The following LSAMP variants were observed in gnomAD, a reference collection of about 807,000 sequenced individuals.
The protein encoded by LSAMP is limbic system associated membrane protein.
Under a neutral mutation model 38.6 loss-of-function variants are expected in LSAMP, and 7 were observed. The ratio of observed to expected loss-of-function variants is 0.18; its 90% confidence interval spans 0.10 to 0.34. The LOEUF (loss-of-function observed/expected upper bound fraction) is 0.34, where lower values mean the gene tolerates loss of function less well. Among genes scored for constraint, LSAMP ranks in the 10% least tolerant of loss-of-function variants. LSAMP has a pLI of 1.00. For missense variants in LSAMP, 313 were observed against 420.0 expected (o/e 0.75, Z 2.23); for synonymous variants, 154 against 166.8 (o/e 0.92, Z 0.59).
At chr3:116,339,485 A>G (rs1002213034) in intron 1 of LSAMP, among the ~76,000 whole-genome samples, 2 of 151,512 alleles carry the variant, frequency 1.3e-5, no homozygotes, top group Admixed American at 6.6e-5. Flanking sequence ...TTTTATTATT[A>G]TGATACTGAA....
chr3:116,366,693 G>A (rs1299801570), intron 1 of LSAMP, among the ~76,000 whole-genome samples: 3 of 152,138 alleles, frequency 2.0e-5, no homozygotes, highest in Non-Finnish European at 4.4e-5. Flanking sequence ...TTTGTACTAG[G>A]AGCTGGGAAT....
intron 3 of LSAMP, among the ~76,000 whole-genome samples, chr3:115,870,701 C>G (rs10934313): frequency 6.6e-6 from 1 of 151,958 alleles, no homozygotes. Context: ...AACAAACTAG[C>G]CATGCTGTAA....
chr3:115,819,507 A>G (rs181314561), intron 6 of LSAMP, among the ~76,000 whole-genome samples: 3 of 152,072 alleles, frequency 2.0e-5, no homozygotes, highest in Non-Finnish European at 1.5e-5. Flanking sequence ...GCCTGCGTTA[A>G]CCTGTCACTG....
chr3:116,016,386 G>T (rs1167057505), intron 3 of LSAMP, among the ~76,000 whole-genome samples: 2 of 152,172 alleles, frequency 1.3e-5, no homozygotes, highest in African/African-American at 4.8e-5. Context: ...GCAATAGAAA[G>T]CTAGTTTTGC....
intron 1 of LSAMP, among the ~76,000 whole-genome samples, chr3:116,212,733 C>T (rs2046174097): frequency 6.6e-6 from 1 of 152,140 alleles, no homozygotes; most frequent in South Asian, 2.1e-4. Context: ...TTCCTTATGG[C>T]ATTCTTCCTA....
At chr3:115,959,186 T>A (rs1938548490) in intron 3 of LSAMP, among the ~76,000 whole-genome samples, 1 of 152,218 alleles carries the variant, frequency 6.6e-6, no homozygotes, top group Non-Finnish European at 1.5e-5. Context: ...AAGGGCTTCC[T>A]TCAGTACATT....
chr3:116,173,592 TACACA>T (rs1197417181), intron 1 of LSAMP, among the ~76,000 whole-genome samples: 2 of 152,066 alleles, frequency 1.3e-5, no homozygotes, highest in Non-Finnish European at 2.9e-5. Context: ...TGCAAACCTA[TACACA>T]TACTAGGTTT....
intron 1 of LSAMP, among the ~76,000 whole-genome samples, chr3:116,211,012 A>AC (rs1462877305): frequency 3.9e-4 from 58 of 150,636 alleles, no homozygotes; most frequent in Non-Finnish European, 5.9e-4. Context: ...AAAAAAAAAA[A>AC]AACAAAAACA....
intron 1 of LSAMP, among the ~76,000 whole-genome samples, chr3:116,199,475 A>G (rs959262337): frequency 6.6e-6 from 1 of 152,186 alleles, no homozygotes; most frequent in Non-Finnish European, 1.5e-5. Context: ...TAAGAGTGGG[A>G]CTGTGTCTTA....
chr3:116,342,511 C>T (rs186591126), intron 1 of LSAMP, among the ~76,000 whole-genome samples: 2 of 152,106 alleles, frequency 1.3e-5, no homozygotes, highest in African/African-American at 4.8e-5. Flanking sequence ...TTTTTCTCCA[C>T]AAAGAAATCT....
intron 1 of LSAMP, among the ~76,000 whole-genome samples, chr3:116,417,772 A>T (rs900025193): frequency 6.6e-6 from 1 of 152,212 alleles, no homozygotes. Flanking sequence ...TAATAAATAA[A>T]TGATGACAAG....
chr3:116,391,541 T>A (rs1397503480), intron 1 of LSAMP, among the ~76,000 whole-genome samples: 1 of 151,360 alleles, frequency 6.6e-6, no homozygotes, highest in African/African-American at 2.4e-5. Context: ...GGGTGGAGGG[T>A]CGCTCACTAG....
chr3:115,891,053 C>T (rs57067175), intron 3 of LSAMP, among the ~76,000 whole-genome samples: 1,949 of 152,008 alleles, frequency 0.013, 46 homozygotes, highest in African/African-American at 0.044. Context: ...ATACTTCTGC[C>T]TTCTGTAAAC....
rs1940918894 is a variant in LSAMP at position 116,031,445 on chromosome 3, A to AT, written c.389-11806dup. On this transcript the variant is annotated intron_variant, in intron 2 of 6. Transcript: ENST00000490035. ...TACTGTTCATCTAATTTTTCATTTCATTTTGGGAATCAGAAATGTGTAGAG... is the reference window on the plus strand; with the variant it reads ...TACTGTTCATCTAATTTTTCATTTCATTTTTGGGAATCAGAAATGTGTAGAG... Among the ~76,000 whole-genome samples, 4 of 145,444 alleles carry AT rather than the reference A, an allele frequency of 2.8e-5. No homozygotes were observed. The Admixed American group carries it at 2.9e-4, about 10-fold the overall frequency.
intron 1 of LSAMP, among the ~76,000 whole-genome samples, chr3:116,346,894 T>G (rs2048070290): frequency 6.6e-6 from 1 of 152,204 alleles, no homozygotes; most frequent in African/African-American, 2.4e-5. Context: ...ATATGTTTAT[T>G]TATCCGCCAG....
chr3:116,235,234 C>T (rs962415406), intron 1 of LSAMP, among the ~76,000 whole-genome samples: 6 of 151,974 alleles, frequency 3.9e-5, no homozygotes, highest in Non-Finnish European at 1.5e-5. Context: ...CACACCTCAG[C>T]CTCCCAGGTA....
intron 1 of LSAMP, among the ~76,000 whole-genome samples, chr3:116,264,388 T>A (rs2046868323): frequency 1.3e-5 from 2 of 152,200 alleles, no homozygotes; most frequent in Non-Finnish European, 2.9e-5. Context: ...GTTTCCCATA[T>A]GCTAGTAAGA....
At chr3:116,167,012 T>C (rs28705767) in intron 1 of LSAMP, among the ~76,000 whole-genome samples, 23,265 of 151,962 alleles carry the variant, frequency 0.15, 2,210 homozygotes, top group Non-Finnish European at 0.19. Context: ...AGGATGGTCT[T>C]GATCTCCTGA....
intron 1 of LSAMP, among the ~76,000 whole-genome samples, chr3:116,312,729 A>G (rs1281424955): frequency 6.6e-6 from 1 of 152,184 alleles, no homozygotes; most frequent in Non-Finnish European, 1.5e-5. Flanking sequence ...AAGGTCAACT[A>G]GAGAGCGAAA....
Sources: gnomAD v4.1 joint callset for allele counts (sites outside exome capture counted in the v4.1 genomes callset) on GRCh38, gnomAD v4.1.1 for gene constraint, MANE v1.5 for transcripts, NCBI Gene and HGNC (gene_info 2026-07-23, HGNC 2026-07-21) for gene names.